The following CACNB2 variants were observed in gnomAD, a reference collection of about 807,000 sequenced individuals.
The protein encoded by CACNB2 is voltage-dependent L-type calcium channel subunit beta-2.
A neutral mutation model predicts 73.3 loss-of-function variants in CACNB2; 42 were observed. That is an observed-to-expected ratio of 0.57 (90% CI 0.45 to 0.74). CACNB2 has a LOEUF of 0.74. Among genes scored for constraint, CACNB2 ranks in the 30% least tolerant of loss-of-function variants. The pLI, the probability that CACNB2 is intolerant of heterozygous loss-of-function variation, is 0.00. For missense variants in CACNB2, 940 were observed against 853.0 expected, an observed-to-expected ratio of 1.10 and a Z score of -1.27; for synonymous variants, 348 against 310.3, an observed-to-expected ratio of 1.12 and a Z score of -1.28.
At chr10:18,184,740 T>C (rs909562196) in intron 2 of CACNB2, among the ~76,000 whole-genome samples, 2 of 151,584 alleles carry the variant, frequency 1.3e-5, no homozygotes, top group Admixed American at 1.3e-4. Flanking sequence ...CAATTTTAAG[T>C]TCTAGGATAC....
chr10:18,339,096 A>G (rs2041132380), intron 2 of CACNB2, among the ~76,000 whole-genome samples: 1 of 150,536 alleles, frequency 6.6e-6, no homozygotes, highest in Non-Finnish European at 1.5e-5. Flanking sequence ...TCATTCATGC[A>G]CCTCCCTGTG....
chr10:18,345,184 A>T (rs1289184064), intron 2 of CACNB2, among the ~76,000 whole-genome samples: 1 of 152,226 alleles, frequency 6.6e-6, no homozygotes, highest in Non-Finnish European at 1.5e-5. Flanking sequence ...AAATTATCAG[A>T]TGTGGAATTA....
At chr10:18,163,424 A>G (rs2032616716) in intron 2 of CACNB2, among the ~76,000 whole-genome samples, 1 of 152,166 alleles carries the variant, frequency 6.6e-6, no homozygotes, top group Non-Finnish European at 1.5e-5. Context: ...GATCTGGTAG[A>G]AAAGGGGGTG....
At chr10:18,147,783 G>A (rs1169890128) in intron 1 of CACNB2, among the ~76,000 whole-genome samples, 2 of 151,998 alleles carry the variant, frequency 1.3e-5, no homozygotes, top group African/African-American at 4.8e-5. Flanking sequence ...TTCCGTTTGG[G>A]AGAGGTTTGG....
At chr10:18,495,853 T>C (rs934301419) in intron 3 of CACNB2, among the ~76,000 whole-genome samples, 5 of 152,114 alleles carry the variant, frequency 3.3e-5, no homozygotes, top group African/African-American at 1.2e-4. Flanking sequence ...AACATCATAC[T>C]CTCAAGGATT....
intron 2 of CACNB2, among the ~76,000 whole-genome samples, chr10:18,242,499 G>A (rs2036694779): frequency 6.6e-6 from 1 of 152,140 alleles, no homozygotes; most frequent in South Asian, 2.1e-4. Context: ...TTTTAAAATA[G>A]TAAACTGCAT....
intron 2 of CACNB2, among the ~76,000 whole-genome samples, chr10:18,302,728 T>G (rs1403388813): frequency 6.6e-6 from 1 of 152,074 alleles, no homozygotes; most frequent in Non-Finnish European, 1.5e-5. Flanking sequence ...GGGTGAGGGA[T>G]AAAAGACTAC....
chr10:18,522,532 A>G (rs2133192790), intron 9 of CACNB2, among the ~76,000 whole-genome samples: 1 of 152,230 alleles, frequency 6.6e-6, no homozygotes, highest in South Asian at 2.1e-4. Context: ...GACTTTTGGC[A>G]GGGGAGGCAA....
At chr10:18,258,720 C>A (rs1186912317) in intron 2 of CACNB2, among the ~76,000 whole-genome samples, 3 of 151,988 alleles carry the variant, frequency 2.0e-5, no homozygotes, top group South Asian at 2.1e-4. Flanking sequence ...GAGCGAAACT[C>A]TGTGTCAAAA....
intron 2 of CACNB2, among the ~76,000 whole-genome samples, chr10:18,341,633 C>T (rs896767809): frequency 1.3e-5 from 2 of 151,700 alleles, no homozygotes; most frequent in East Asian, 1.9e-4. Context: ...AACCAGAGCC[C>T]GTAAAAATAA....
At chr10:18,519,987 T>A in intron 9 of CACNB2, 1 of 316,588 alleles carries the variant, frequency 3.2e-6, no homozygotes, top group South Asian at 2.7e-5. Context: ...TCACACTGAC[T>A]GCTCCTTTGT....
At position 18,539,328 on chromosome 10, in the gene CACNB2, G is replaced by C; in HGVS notation, c.1587G>C (p.Gln529His). The change falls in exon 14 of 14, where the codon CAG becomes CAC. Residue 529 changes from glutamine to histidine, a missense_variant. Coordinates refer to ENST00000324631, the MANE Select transcript of CACNB2 (RefSeq NM_201596.3). ...GTGTGGAACCAGTCAAGAAATCCCA[G>C]CACCGCTCTTCCTCCTCAGCCCCAC... Reference protein sequence around the residue: ...EPSVEPVKKSQHRSSSSAPHH... With the variant: ...EPSVEPVKKSHHRSSSSAPHH... 1 of 1,614,000 alleles carries C rather than the reference G, an allele frequency of 6.2e-7. No homozygotes were observed. Among genetic ancestry groups the C allele is most frequent in the East Asian group, 2.2e-5 (1 of 44,862 alleles).
At chr10:18,358,777 GAAAC>G (rs935506548) in intron 2 of CACNB2, among the ~76,000 whole-genome samples, 10 of 152,082 alleles carry the variant, frequency 6.6e-5, no homozygotes, top group Non-Finnish European at 1.5e-4. Flanking sequence ...TTGCCCTTAA[GAAAC>G]AAACAATAGA....
intron 2 of CACNB2, among the ~76,000 whole-genome samples, chr10:18,341,718 ATTATT>A (rs1282175348): frequency 6.6e-6 from 1 of 152,202 alleles, no homozygotes; most frequent in Non-Finnish European, 1.5e-5. Flanking sequence ...TTGTCTAAAA[ATTATT>A]TTAAGTACTT....
At chr10:18,536,342 C>CCTG in intron 12 of CACNB2, 146 bp downstream of exon 12, 1 of 588,068 alleles carries the variant, frequency 1.7e-6, no homozygotes, top group South Asian at 2.1e-5. Flanking sequence ...CACTGCAGCC[C>CCTG]TGAACTCCCG....
chr10:18,491,692 C>G (rs956139391), intron 3 of CACNB2, among the ~76,000 whole-genome samples: 2 of 151,914 alleles, frequency 1.3e-5, no homozygotes, highest in Non-Finnish European at 2.9e-5. Context: ...TGGCTCTTTA[C>G]CATTCTGAGA....
At chr10:18,501,548 C>G (rs897294584) in intron 5 of CACNB2, among the ~76,000 whole-genome samples, 1 of 152,238 alleles carries the variant, frequency 6.6e-6, no homozygotes, top group Admixed American at 6.5e-5. Context: ...GGTTGTCTGT[C>G]CCTCTCTGAA....
intron 2 of CACNB2, among the ~76,000 whole-genome samples, chr10:18,178,890 A>G (rs1263801962): frequency 6.6e-6 from 1 of 152,206 alleles, no homozygotes; most frequent in Non-Finnish European, 1.5e-5. Flanking sequence ...ATGCTTGGGC[A>G]TTTCTGCTGC....
intron 3 of CACNB2, among the ~76,000 whole-genome samples, chr10:18,435,723 C>T (rs1351844078): frequency 6.6e-6 from 1 of 152,134 alleles, no homozygotes; most frequent in Non-Finnish European, 1.5e-5. Context: ...TGGTCTCAAA[C>T]TCCCAGGCTC....
Sources: gnomAD v4.1 joint callset for allele counts (sites outside exome capture counted in the v4.1 genomes callset) on GRCh38, gnomAD v4.1.1 for gene constraint, MANE v1.5 for transcripts, NCBI Gene and HGNC (gene_info 2026-07-23, HGNC 2026-07-21) for gene names.